WIPI1: variants seen among roughly 807,000 people sequenced by gnomAD.
WIPI1 encodes the protein WD repeat domain phosphoinositide-interacting protein 1.
WIPI1 carries 45 observed loss-of-function variants against 55.3 expected under a neutral mutation model. That is an observed-to-expected ratio of 0.81 (90% confidence interval 0.64 to 1.04). The LOEUF is 1.04. WIPI1 is among the 50% of genes least tolerant of loss of function. The pLI, the probability that WIPI1 is intolerant of heterozygous loss-of-function variation, is 0.00. For missense variants in WIPI1, 445 were observed against 559.0 expected (o/e 0.80, Z 2.06); for synonymous variants, 195 against 217.6 (o/e 0.90, Z 0.92).
At chr17:68,444,365 G>A in intron 4 of WIPI1, 128 bp downstream of exon 4, 1 of 803,528 alleles carries the variant, frequency 1.2e-6, no homozygotes, top group African/African-American at 1.7e-5. Context: ...AAAGCTTCGA[G>A]ATAAACCTCA....
At chr17:68,427,345 C>T in intron 10 of WIPI1, 92 bp from the exon 11 acceptor site, 1 of 962,958 alleles carries the variant, frequency 1.0e-6, no homozygotes, top group South Asian at 1.4e-5. Flanking sequence ...GAAGCCTGTG[C>T]TCAGCTCTGT....
rs148740463 is a variant in WIPI1 at position 68,434,499 on chromosome 17, C to T, written c.692+57G>A. 5.8e-4 allele frequency: 923 copies of T among 1,579,756 alleles called. 7 individuals are homozygous for T. In the African/African-American group the frequency reaches 7.7e-3, roughly 13 times the overall value. On this transcript the variant is annotated intron_variant, in intron 7 of 12. Transcript: ENST00000262139. ...TGTCCTCTCCCTAGACAGCTGCCAG[C>T]GGTCCCTGCGGGACTTCTGCGGGGA...
At chr17:68,438,042 G>A (rs2083905333) in intron 4 of WIPI1, among the ~76,000 whole-genome samples, 1 of 149,280 alleles carries the variant, frequency 6.7e-6, no homozygotes, top group Non-Finnish European at 1.5e-5. Context: ...AAAAACTTTA[G>A]GTCAGGCTGA....
At chr17:68,424,206 C>T (rs2082994791) in intron 12 of WIPI1, among the ~76,000 whole-genome samples, 1 of 152,170 alleles carries the variant, frequency 6.6e-6, no homozygotes, top group African/African-American at 2.4e-5. Flanking sequence ...AACTGCTCTC[C>T]GCCACTGAGA....
chr17:68,447,788 C>T (rs1808333), intron 3 of WIPI1, among the ~76,000 whole-genome samples: 36,585 of 151,696 alleles, frequency 0.24, 4,927 homozygotes, highest in Non-Finnish European at 0.31. Context: ...GTCAGGAGAT[C>T]GAGAACATCC....
intron 5 of WIPI1, 99 bp downstream of exon 5, chr17:68,436,283 G>A (rs752344521): frequency 6.4e-5 from 68 of 1,063,916 alleles, no homozygotes; most frequent in Non-Finnish European, 8.4e-5. Flanking sequence ...TACTCCCACC[G>A]CCTCCAGCCC....
intron 2 of WIPI1, among the ~76,000 whole-genome samples, chr17:68,452,495 G>A (rs1568653291): frequency 6.6e-6 from 1 of 152,196 alleles, no homozygotes; most frequent in Non-Finnish European, 1.5e-5. Context: ...AACCCAGGAG[G>A]TGGAGGTTGC....
At chr17:68,436,257 A>G in intron 5 of WIPI1, 125 bp downstream of exon 5, 1 of 799,458 alleles carries the variant, frequency 1.3e-6, no homozygotes, top group Non-Finnish European at 2.1e-6. Context: ...CTCTTGAACA[A>G]CTCCCCAGTA....
At chr17:68,445,534 C>T (rs148288220) in intron 3 of WIPI1, among the ~76,000 whole-genome samples, 238 of 152,276 alleles carry the variant, frequency 1.6e-3, no homozygotes, top group African/African-American at 5.5e-3. Flanking sequence ...CAGTGCCCCA[C>T]GTCCCCACTG....
intron 3 of WIPI1, among the ~76,000 whole-genome samples, chr17:68,450,210 G>A (rs28486044): frequency 0.022 from 3,335 of 152,236 alleles, 106 homozygotes; most frequent in African/African-American, 0.075. Context: ...AAAGAAAAAT[G>A]AGAACCCAAG....
At chr17:68,457,243 C>T (rs1039671686) in intron 1 of WIPI1, 99 bp downstream of exon 1, 17 of 1,415,814 alleles carry the variant, frequency 1.2e-5, no homozygotes, top group African/African-American at 3.0e-5. Flanking sequence ...CCGCCGAGGC[C>T]GCCTCGAGGC....
In WIPI1 at chr17:68,426,890, G is replaced by A. The variant is rs536428549; in HGVS notation, c.1192+245C>T. Among the ~76,000 whole-genome samples, 21 of 152,320 alleles carry A rather than the reference G, an allele frequency of 1.4e-4. 1 individual carries two copies. The South Asian group carries it at 4.1e-3, about 30-fold the overall frequency. ...AACACCACTTGTTAGGAAAAAGACC[G>A]TATCGTGTGATGCCTTGCCAGGTTG... On this transcript the variant is annotated intron_variant, in intron 11 of 12. Coordinates refer to ENST00000262139, the MANE Select transcript of WIPI1 (RefSeq NM_017983.7).
At chr17:68,444,722 G>T in intron 3 of WIPI1, 133 bp from the exon 4 acceptor site, 2 of 661,402 alleles carry the variant, frequency 3.0e-6, no homozygotes, top group Non-Finnish European at 5.0e-6. Flanking sequence ...GATGCATTTT[G>T]AAGATTGTGT....
chr17:68,421,960 A>G (rs2082810444), intron 12 of WIPI1, 140 bp from the exon 13 acceptor site: 1 of 979,448 alleles, frequency 1.0e-6, no homozygotes, highest in African/African-American at 1.6e-5. Context: ...GAACTCGCTC[A>G]TGGCCACAGA....
At chr17:68,446,830 A>G (rs2084305365) in intron 3 of WIPI1, among the ~76,000 whole-genome samples, 1 of 152,140 alleles carries the variant, frequency 6.6e-6, no homozygotes, top group Admixed American at 6.6e-5. Flanking sequence ...CTCTGATGGC[A>G]CCATCTGCTC....
intron 3 of WIPI1, among the ~76,000 whole-genome samples, chr17:68,449,605 G>C (rs1233572959): frequency 1.3e-5 from 2 of 152,144 alleles, no homozygotes; most frequent in South Asian, 4.1e-4. Flanking sequence ...TTGTTTAATA[G>C]TGGGTAGTAC....
At chr17:68,426,831 G>T (rs2083226457) in intron 11 of WIPI1, among the ~76,000 whole-genome samples, 1 of 152,184 alleles carries the variant, frequency 6.6e-6, no homozygotes, top group South Asian at 2.1e-4. Context: ...CAATGTGCCT[G>T]GCCTCATTGG....
At chr17:68,451,579 G>A (rs924786457) in intron 2 of WIPI1, among the ~76,000 whole-genome samples, 1 of 152,200 alleles carries the variant, frequency 6.6e-6, no homozygotes, top group Non-Finnish European at 1.5e-5. Flanking sequence ...TGGAATATTT[G>A]AACAATTTTC....
At chr17:68,437,947 T>TAAAAAAAAAAAAAAAAAAAAAA (rs1568638070) in intron 4 of WIPI1, among the ~76,000 whole-genome samples, 1 of 58,786 alleles carries the variant, frequency 1.7e-5, no homozygotes. Flanking sequence ...GACATCTCTC[T>TAAAAAAAAAAAAAAAAAAAAAA]TAAAAAAAAA....
Sources: allele counts gnomAD v4.1 joint callset (sites outside exome capture counted in the v4.1 genomes callset), GRCh38; gene constraint gnomAD v4.1.1; transcripts MANE v1.5; gene names NCBI Gene and HGNC (gene_info 2026-07-23, HGNC 2026-07-21).